Variants in SLC17A3 observed in about 807,000 individuals in gnomAD.
The protein encoded by SLC17A3 is solute carrier family 17 member 3.
SLC17A3 carries 61 observed loss-of-function variants against 60.3 expected under a neutral mutation model. That is an observed-to-expected ratio of 1.01 (90% CI 0.82 to 1.25). The LOEUF (loss-of-function observed/expected upper bound fraction) is 1.25, where lower values mean the gene tolerates loss of function less well. Ranked by LOEUF, SLC17A3 falls within the 50% of genes most tolerant of loss-of-function variation. The pLI is 0.00. For missense variants in SLC17A3, 624 were observed against 594.9 expected (o/e 1.05, Z -0.51); for synonymous variants, 192 against 208.9 (o/e 0.92, Z 0.70).
intron 2 of SLC17A3, among the ~76,000 whole-genome samples, chr6:25,864,773 A>T (rs1210485303): frequency 6.6e-6 from 1 of 152,048 alleles, no homozygotes; most frequent in Non-Finnish European, 1.5e-5. Flanking sequence ...GTAGGAGTTG[A>T]GGCATAACAT....
chr6:25,860,169 AC>A (rs2151523856), intron 5 of SLC17A3, among the ~76,000 whole-genome samples: 1 of 152,304 alleles, frequency 6.6e-6, no homozygotes, highest in African/African-American at 2.4e-5. Flanking sequence ...TTTCTTATCA[AC>A]TATTAAACCT....
intron 2 of SLC17A3, among the ~76,000 whole-genome samples, chr6:25,862,842 A>G (rs1765475265): frequency 6.6e-6 from 1 of 151,732 alleles, no homozygotes; most frequent in South Asian, 2.1e-4. Context: ...ATAGCTACAT[A>G]TAATTTATAA....
intron 11 of SLC17A3, among the ~76,000 whole-genome samples, chr6:25,847,030 G>C (rs1581518360): frequency 6.6e-6 from 1 of 151,882 alleles, no homozygotes; most frequent in Non-Finnish European, 1.5e-5. Flanking sequence ...CAGGTACTAA[G>C]CCTAGTCCCC....
intron 2 of SLC17A3, 98 bp downstream of exon 2, chr6:25,868,199 A>T: frequency 1.1e-6 from 1 of 890,426 alleles, no homozygotes; most frequent in Non-Finnish European, 1.8e-6. Flanking sequence ...AAAAAGAATT[A>T]AAGAACTTAA....
At chr6:25,858,298 T>C (rs987254397) in intron 5 of SLC17A3, among the ~76,000 whole-genome samples, 6 of 152,194 alleles carry the variant, frequency 3.9e-5, no homozygotes, top group African/African-American at 1.4e-4. Context: ...CTCCATTCTC[T>C]TTCTTCTTAT....
Position 25,861,617 on chromosome 6 carries a change from T to C in SLC17A3, c.625+7A>G. On this transcript the variant is annotated splice_region_variant and intron_variant, in intron 5 of 12. Coordinates refer to ENST00000397060, the MANE Select transcript of SLC17A3 (RefSeq NM_001098486.2). ...GTAGTGTACCCATTTGGATTACATG[T>C]CCTTACCTGATAAAGCAATGCTGCA... 3 of 1,613,074 alleles carry C rather than the reference T, an allele frequency of 1.9e-6. No homozygotes were observed. In the South Asian group the frequency reaches 3.3e-5, roughly 18 times the overall value.
rs370835610 is a variant in SLC17A3, at chr6:25,849,815, T to C, written c.1261A>G (p.Ile421Val). 1.5e-5 allele frequency: 25 copies of C among 1,613,650 alleles called. No individual in the cohort carries two copies. The highest frequency in any genetic ancestry group is 2.7e-5 in the African/African-American group (2 of 74,888). Residue 421 changes from isoleucine (I) to valine (V), a missense_variant, in exon 10 of 13, where the codon ATT becomes GTT. Transcript: ENST00000397060. The part of the protein sequence containing the change: ...QSGIYINVLD[I>V]APRYSSFLMG... The stretch of plus-strand genomic sequence containing the variant: ...AGATCAGAGTCCTACCTTGGAGCAA[T>C]ATCTAAGACATTGATATAAATCCCT...
intron 5 of SLC17A3, among the ~76,000 whole-genome samples, chr6:25,857,526 G>C (rs1765377934): frequency 7.2e-6 from 1 of 139,606 alleles, no homozygotes; most frequent in African/African-American, 2.7e-5. Flanking sequence ...TTACTCTTTT[G>C]TTTAGAAGAT....
chr6:25,862,160 C>T, intron 3 of SLC17A3, 73 bp downstream of exon 3: 1 of 1,461,714 alleles, frequency 6.8e-7, no homozygotes, highest in South Asian at 1.2e-5. Context: ...AACATACATA[C>T]TCTAGAAAAA....
chr6:25,850,638 G>A lies in SLC17A3; in HGVS notation c.832-18C>T. 1 of 1,613,814 alleles carries A rather than the reference G, an allele frequency of 6.2e-7. No individual in the cohort carries two copies. The highest frequency in any genetic ancestry group is 1.3e-5 in the African/African-American group (1 of 75,016). ...GACCCGACCTGAAAACAAATTTACTGGTCATAACGGTAAATCCGACAGATG... is the reference window on the plus strand; with the variant it reads ...GACCCGACCTGAAAACAAATTTACTAGTCATAACGGTAAATCCGACAGATG... On this transcript the variant is annotated intron_variant, in intron 7 of 12. Coordinates refer to ENST00000397060, the MANE Select transcript of SLC17A3 (RefSeq NM_001098486.2).
intron 2 of SLC17A3, among the ~76,000 whole-genome samples, chr6:25,865,999 C>A (rs1765528192): frequency 6.6e-6 from 1 of 151,936 alleles, no homozygotes; most frequent in African/African-American, 2.4e-5. Flanking sequence ...AAGCTTATTT[C>A]TTAATTTGAT....
chr6:25,850,718 G>T, intron 7 of SLC17A3, 41 bp downstream of exon 7: 3 of 1,604,202 alleles, frequency 1.9e-6, no homozygotes, highest in Non-Finnish European at 2.6e-6. Flanking sequence ...AGAAAATCCA[G>T]ATACAAGGTC....
chr6:25,861,279 A>T (rs1765441565), intron 5 of SLC17A3, among the ~76,000 whole-genome samples: 1 of 152,022 alleles, frequency 6.6e-6, no homozygotes, highest in Admixed American at 6.5e-5. Context: ...TAATATATAA[A>T]GATAAAACCA....
intron 6 of SLC17A3, among the ~76,000 whole-genome samples, chr6:25,854,546 A>C (rs1765329258): frequency 6.6e-6 from 1 of 152,340 alleles, no homozygotes; most frequent in Admixed American, 6.5e-5. Flanking sequence ...AGGGGAGTTA[A>C]ATGTATAAAC....
chr6:25,854,532 C>A (rs1765329096), intron 6 of SLC17A3, among the ~76,000 whole-genome samples: 2 of 152,086 alleles, frequency 1.3e-5, no homozygotes, highest in African/African-American at 2.4e-5. Flanking sequence ...GCTCACTGTC[C>A]AGAAGGGGAG....
At position 25,871,520 on chromosome 6, in the gene SLC17A3, G is replaced by C. The variant is rs549530288; in HGVS notation, c.-34+2647C>G. ...GGGGGCGGGGGAGGGATAGCATTAG[G>C]AGATATACCTAATGTTAAATGATGA... On this transcript the variant is annotated intron_variant, in intron 1 of 12. Coordinates refer to ENST00000397060, the MANE Select transcript of SLC17A3 (RefSeq NM_001098486.2). Among the ~76,000 whole-genome samples the C allele has an allele frequency of 4.6e-5, 7 of 151,584 alleles. No homozygotes were observed. The South Asian group carries it at 1.2e-3, about 27-fold the overall frequency.
Position 25,850,863 on chromosome 6 carries a change from C to T in SLC17A3, c.727G>A (p.Val243Ile), listed in dbSNP as rs1765265081. 1 of 1,614,006 alleles carries T rather than the reference C, an allele frequency of 6.2e-7. No homozygotes were observed. Among genetic ancestry groups the T allele is most frequent in the Non-Finnish European group, 8.5e-7 (1 of 1,179,860 alleles). ...VFYIFGGVGCVCCLLWFVVIY... is the reference protein window; with the variant it reads ...VFYIFGGVGCICCLLWFVVIY... The stretch of plus-strand genomic sequence containing the variant: ...ACAACAAACCAGAGAAGGCAGCAGA[C>T]ACAGCCAACACCTCCTGTAAGCACA... The change falls in exon 7 of 13, where the codon GTC (valine) becomes ATC (isoleucine). Residue 243 changes from valine (V) to isoleucine (I), a missense_variant. Transcript: ENST00000397060.
At chr6:25,847,717 A>G (rs1471750262) in intron 11 of SLC17A3, among the ~76,000 whole-genome samples, 7 of 151,656 alleles carry the variant, frequency 4.6e-5, no homozygotes, top group Admixed American at 2.0e-4. Context: ...TCTTTTAAAA[A>G]TTTTTTATTT....
intron 11 of SLC17A3, among the ~76,000 whole-genome samples, chr6:25,846,830 C>G (rs1041316940): frequency 6.6e-6 from 1 of 152,120 alleles, no homozygotes; most frequent in Non-Finnish European, 1.5e-5. Context: ...CCAGGATGGT[C>G]TTGATCTCCT....
Sources: allele counts gnomAD v4.1 joint callset (sites outside exome capture counted in the v4.1 genomes callset), GRCh38; gene constraint gnomAD v4.1.1; transcripts MANE v1.5; gene names NCBI Gene and HGNC (gene_info 2026-07-23, HGNC 2026-07-21).